Variants in CHST9 observed in about 807,000 individuals in gnomAD.
CHST9 encodes carbohydrate sulfotransferase 9, also known as GalNAc-4-sulfotransferase 2.
Under a neutral mutation model 44.4 loss-of-function variants are expected in CHST9, and 41 were observed. That is an observed-to-expected ratio of 0.92 (90% confidence interval 0.72 to 1.20). The LOEUF (loss-of-function observed/expected upper bound fraction) is 1.20. CHST9 is among the 50% of genes most tolerant of loss of function. The probability of loss-of-function intolerance (pLI) is 0.00; values close to 1 mark genes in which losing one functional copy is unlikely to be tolerated. For synonymous variants in CHST9, 171 were observed against 178.4 expected (o/e 0.96, Z 0.33); for missense variants, 504 against 516.5 (o/e 0.98, Z 0.23).
intron 4 of CHST9, among the ~76,000 whole-genome samples, chr18:27,006,051 T>C (rs896753762): frequency 2.6e-4 from 39 of 152,300 alleles, no homozygotes; most frequent in Non-Finnish European, 2.1e-4. Context: ...TTTTTCTCAC[T>C]TGCACTCCCT....
chr18:27,058,428 C>G (rs950097502), intron 2 of CHST9, among the ~76,000 whole-genome samples: 3 of 152,166 alleles, frequency 2.0e-5, no homozygotes, highest in African/African-American at 7.2e-5. Flanking sequence ...CCCTTCCCCT[C>G]GAATCTCTGC....
At chr18:27,046,724 A>T (rs2057505045) in intron 3 of CHST9, among the ~76,000 whole-genome samples, 1 of 152,096 alleles carries the variant, frequency 6.6e-6, no homozygotes. Context: ...CTATTGTTAC[A>T]AATTTAGATT....
At chr18:26,937,360 C>G (rs1011647021) in intron 5 of CHST9, among the ~76,000 whole-genome samples, 2 of 152,062 alleles carry the variant, frequency 1.3e-5, no homozygotes, top group Admixed American at 1.3e-4. Flanking sequence ...ATCTGTATTC[C>G]AGGGTCTCAG....
chr18:26,967,177 A>G (rs1306114113), intron 4 of CHST9, among the ~76,000 whole-genome samples: 1 of 152,210 alleles, frequency 6.6e-6, no homozygotes, highest in Non-Finnish European at 1.5e-5. Flanking sequence ...CTTCACCCTT[A>G]GTCACACCCC....
chr18:26,929,497 T>C lies in CHST9; in HGVS notation c.241-12147A>G, dbSNP rs142961445. Among the ~76,000 whole-genome samples the C allele has an allele frequency of 1.0e-3, 152 of 152,358 alleles. 1 individual carries two copies. The highest frequency in any genetic ancestry group is 3.5e-3 in the African/African-American group (146 of 41,584). On this transcript the variant is annotated intron_variant, in intron 5 of 5. Coordinates refer to ENST00000618847, the MANE Select transcript of CHST9 (RefSeq NM_031422.6). The stretch of plus-strand genomic sequence containing the variant: ...TCTGATTTTCTTTAAATACCGGGCA[T>C]ATCATCTATAACGCTGCTTTCCCAA...
At chr18:27,111,602 A>T (rs535122140) in intron 2 of CHST9, among the ~76,000 whole-genome samples, 1 of 152,192 alleles carries the variant, frequency 6.6e-6, no homozygotes, top group East Asian at 1.9e-4. Context: ...ACAGTTCAAG[A>T]TCACCCACTG....
rs1268814133 is a variant in CHST9 at position 26,914,665 on chromosome 18, A to G, written c.*1594T>C. 6 of 342,708 alleles carry G rather than the reference A, an allele frequency of 1.8e-5. No individual in the cohort carries two copies. Among genetic ancestry groups the G allele is most frequent in the Non-Finnish European group, 3.1e-5 (6 of 191,340 alleles). 21.2% of individuals were successfully genotyped at this position (342,708 alleles called of 1,614,324 possible). A position where few individuals can be genotyped will look rare whatever the true frequency, so the allele number is the denominator to read the frequency against. ...TTACTCCTTAGGAGACACAGATGGGACACGGCAGGTGTGTGTAAGGAGCGA... is the reference window on the plus strand; with the variant it reads ...TTACTCCTTAGGAGACACAGATGGGGCACGGCAGGTGTGTGTAAGGAGCGA... On this transcript the variant is annotated 3_prime_UTR_variant, in exon 6 of 6. Transcript: ENST00000618847.
At chr18:26,953,412 T>C (rs896282422) in intron 4 of CHST9, among the ~76,000 whole-genome samples, 2 of 152,052 alleles carry the variant, frequency 1.3e-5, no homozygotes, top group Non-Finnish European at 2.9e-5. Context: ...TGGGGGGCAA[T>C]TATGGTTTTT....
Position 26,914,732 on chromosome 18 carries a change from T to A in CHST9, c.*1527A>T. On this transcript the variant is annotated 3_prime_UTR_variant, in exon 6 of 6. Coordinates refer to ENST00000618847, the MANE Select transcript of CHST9 (RefSeq NM_031422.6). ...TCAGCCATGAAATAGAAAATCAAAA[T>A]GAAATAAGTATGACTGCAACTATCT... is the stretch of plus-strand genomic sequence containing the variant. 2.6e-6 allele frequency: 1 copy of A among 390,302 alleles called. No individual in the cohort carries two copies. The highest frequency in any genetic ancestry group is 2.1e-5 in the African/African-American group (1 of 48,522). 24.2% of individuals were successfully genotyped at this position (390,302 alleles called of 1,614,324 possible). A position where few individuals can be genotyped will look rare whatever the true frequency, so the allele number is the denominator to read the frequency against.
At chr18:27,146,211 G>C (rs2058611058) in intron 1 of CHST9, among the ~76,000 whole-genome samples, 1 of 152,134 alleles carries the variant, frequency 6.6e-6, no homozygotes, top group Non-Finnish European at 1.5e-5. Context: ...CTTTCTTCAG[G>C]AGATGTTACT....
chr18:27,161,728 A>C (rs1346354777), intron 1 of CHST9, among the ~76,000 whole-genome samples: 1 of 151,870 alleles, frequency 6.6e-6, no homozygotes, highest in Non-Finnish European at 1.5e-5. Flanking sequence ...TCCCGTTATT[A>C]TTGTGTGGGA....
intron 2 of CHST9, among the ~76,000 whole-genome samples, chr18:27,135,061 A>T (rs2058502594): frequency 6.6e-6 from 1 of 152,162 alleles, no homozygotes; most frequent in Non-Finnish European, 1.5e-5. Flanking sequence ...ACCACAAAAA[A>T]ATTAGTATGT....
intron 4 of CHST9, among the ~76,000 whole-genome samples, chr18:26,974,611 C>T (rs2056593630): frequency 1.3e-5 from 2 of 152,106 alleles, no homozygotes; most frequent in South Asian, 4.2e-4. Flanking sequence ...TCCATGATCT[C>T]ATCCGGTCCT....
At chr18:27,012,515 A>C (rs571159329) in intron 4 of CHST9, among the ~76,000 whole-genome samples, 5 of 152,200 alleles carry the variant, frequency 3.3e-5, no homozygotes, top group Admixed American at 3.3e-4. Flanking sequence ...TGGTCTTGCT[A>C]TCTCAGGGGT....
At chr18:26,945,406 A>G (rs2056147564) in intron 4 of CHST9, among the ~76,000 whole-genome samples, 1 of 152,178 alleles carries the variant, frequency 6.6e-6, no homozygotes, top group South Asian at 2.1e-4. Flanking sequence ...CCACTACACT[A>G]CATCACTCCC....
chr18:26,995,973 G>A (rs190514127), intron 4 of CHST9, among the ~76,000 whole-genome samples: 1 of 152,290 alleles, frequency 6.6e-6, no homozygotes, highest in Admixed American at 6.5e-5. Context: ...AATAGTGTCA[G>A]CAATAAGAAA....
intron 1 of CHST9, among the ~76,000 whole-genome samples, chr18:27,154,693 T>C (rs2058684782): frequency 6.6e-6 from 1 of 152,228 alleles, no homozygotes; most frequent in East Asian, 1.9e-4. Context: ...GGAGGAGGTT[T>C]ATCACAGCGG....
intron 1 of CHST9, among the ~76,000 whole-genome samples, chr18:27,153,780 A>G (rs1473149745): frequency 6.6e-6 from 1 of 152,134 alleles, no homozygotes; most frequent in Admixed American, 6.6e-5. Context: ...CATTCAACCC[A>G]CTACACCAGG....
intron 2 of CHST9, among the ~76,000 whole-genome samples, chr18:27,095,508 A>C (rs2058108053): frequency 6.6e-6 from 1 of 152,146 alleles, no homozygotes; most frequent in Non-Finnish European, 1.5e-5. Context: ...GTTCGATGAA[A>C]AAACAAGACC....
Sources: allele counts gnomAD v4.1 joint callset (sites outside exome capture counted in the v4.1 genomes callset), GRCh38; gene constraint gnomAD v4.1.1; transcripts MANE v1.5; gene names NCBI Gene and HGNC (gene_info 2026-07-23, HGNC 2026-07-21).